GBE1: variants seen among roughly 807,000 people sequenced by gnomAD.
The protein encoded by GBE1 is 1,4-alpha-glucan-branching enzyme.
In GBE1, 70 loss-of-function variants were observed where a neutral mutation model predicts 88.8. That is an observed-to-expected ratio of 0.79 (90% CI 0.65 to 0.96). GBE1 has a LOEUF of 0.96. Among genes scored for constraint, GBE1 ranks in the 40% least tolerant of loss-of-function variants. The probability of loss-of-function intolerance (pLI) is 0.00; values close to 1 mark genes in which losing one functional copy is unlikely to be tolerated. For missense variants in GBE1, 872 were observed against 871.0 expected, an observed-to-expected ratio of 1.00 and a Z score of -0.01; for synonymous variants, 284 against 300.1, an observed-to-expected ratio of 0.95 and a Z score of 0.56.
intron 3 of GBE1, among the ~76,000 whole-genome samples, chr3:81,654,069 G>C (rs1704893600): frequency 6.6e-6 from 1 of 151,934 alleles, no homozygotes; most frequent in Admixed American, 6.6e-5. Flanking sequence ...GAAATATAAT[G>C]AAAATAATAC....
At chr3:81,584,653 T>G (rs1276629792) in intron 10 of GBE1, among the ~76,000 whole-genome samples, 2 of 151,698 alleles carry the variant, frequency 1.3e-5, no homozygotes, top group African/African-American at 4.8e-5. Flanking sequence ...TTTTTCTATT[T>G]GATAACTATG....
chr3:81,497,588 T>C (rs1006507260), intron 15 of GBE1, among the ~76,000 whole-genome samples: 1 of 152,180 alleles, frequency 6.6e-6, no homozygotes, highest in African/African-American at 2.4e-5. Flanking sequence ...TCCTGTGCCA[T>C]GGCGTTTTGT....
At chr3:81,558,709 T>C (rs1331118825) in intron 12 of GBE1, among the ~76,000 whole-genome samples, 4 of 152,134 alleles carry the variant, frequency 2.6e-5, no homozygotes, top group Non-Finnish European at 4.4e-5. Flanking sequence ...TATTAAATGT[T>C]AATGTGTATA....
intron 12 of GBE1, among the ~76,000 whole-genome samples, chr3:81,549,855 G>A (rs973866021): frequency 4.6e-5 from 7 of 151,424 alleles, no homozygotes; most frequent in African/African-American, 1.5e-4. Context: ...ATGGGAAACT[G>A]GAGAGAGAAA....
Position 81,489,941 on chromosome 3 carries a change from C to G in GBE1, c.*466G>C, listed in dbSNP as rs571158601. The G allele has an allele frequency of 6.4e-6, 1 of 156,358 alleles. No homozygotes were observed. Among genetic ancestry groups the G allele is most frequent in the South Asian group, 1.9e-4 (1 of 5,278 alleles). 9.7% of individuals were successfully genotyped at this position (156,358 alleles called of 1,614,324 possible). On this transcript the variant is annotated 3_prime_UTR_variant, in exon 16 of 16. Coordinates refer to ENST00000429644, the MANE Select transcript of GBE1 (RefSeq NM_000158.4). ...ATATTTATTACAGTATTTCTAAACA[C>G]AATTTGAAAAAAAGAAACAAAGAAA...
intron 1 of GBE1, among the ~76,000 whole-genome samples, chr3:81,757,110 T>C (rs1706614151): frequency 6.6e-6 from 1 of 152,164 alleles, no homozygotes; most frequent in African/African-American, 2.4e-5. Context: ...ATCTTCAATA[T>C]TCAAGAAAAA....
At chr3:81,580,481 C>G (rs778885011) in intron 11 of GBE1, among the ~76,000 whole-genome samples, 4 of 151,920 alleles carry the variant, frequency 2.6e-5, no homozygotes, top group African/African-American at 4.8e-5. Flanking sequence ...GGGAAAAGCA[C>G]AAGATTGGAA....
intron 7 of GBE1, among the ~76,000 whole-genome samples, chr3:81,628,872 T>C (rs1478011423): frequency 4.7e-5 from 7 of 148,394 alleles, no homozygotes; most frequent in Admixed American, 2.0e-4. Flanking sequence ...TCTAATTCAC[T>C]TATGCCTGAG....
At chr3:81,755,318 C>G (rs1456934165) in intron 1 of GBE1, among the ~76,000 whole-genome samples, 1 of 151,934 alleles carries the variant, frequency 6.6e-6, no homozygotes, top group East Asian at 1.9e-4. Flanking sequence ...TGGGCAGTAA[C>G]AGATGCTGGT....
chr3:81,691,051 G>A (rs1368581686), intron 2 of GBE1, among the ~76,000 whole-genome samples: 3 of 151,910 alleles, frequency 2.0e-5, no homozygotes, highest in East Asian at 3.9e-4. Flanking sequence ...CTATATGGCC[G>A]ATGATGAAGG....
At chr3:81,599,714 A>G (rs1704007296) in intron 7 of GBE1, among the ~76,000 whole-genome samples, 1 of 152,188 alleles carries the variant, frequency 6.6e-6, no homozygotes, top group Admixed American at 6.5e-5. Context: ...AGACATAGGT[A>G]TATACACACA....
At position 81,609,020 on chromosome 3, in the gene GBE1, C is replaced by T. The variant is rs147144773; in HGVS notation, c.993-14997G>A. 8.2e-3 allele frequency among the ~76,000 whole-genome samples: 1,247 copies of T among 152,218 alleles called. 9 individuals carry two copies. The highest frequency in any genetic ancestry group is 0.014 in the Non-Finnish European group (942 of 67,986). On this transcript the variant is annotated intron_variant, in intron 7 of 15. Coordinates refer to ENST00000429644, the MANE Select transcript of GBE1 (RefSeq NM_000158.4). ...CACAAATATGGAAAAGTAACTAAAACGAATGGAGACACTAAAGGAAGAGTA... is the reference window on the plus strand; with the variant it reads ...CACAAATATGGAAAAGTAACTAAAATGAATGGAGACACTAAAGGAAGAGTA...
chr3:81,675,734 C>T (rs1705242886), intron 2 of GBE1, among the ~76,000 whole-genome samples: 1 of 152,138 alleles, frequency 6.6e-6, no homozygotes, highest in South Asian at 2.1e-4. Context: ...AAGTTAGGTA[C>T]CCCCAAAACA....
At chr3:81,583,933 G>A (rs1476389574) in intron 10 of GBE1, among the ~76,000 whole-genome samples, 1 of 151,952 alleles carries the variant, frequency 6.6e-6, no homozygotes, top group Non-Finnish European at 1.5e-5. Context: ...AGATCTCACT[G>A]TATTATTTCT....
intron 15 of GBE1, among the ~76,000 whole-genome samples, chr3:81,496,211 G>A (rs1172636007): frequency 1.3e-5 from 2 of 152,136 alleles, no homozygotes; most frequent in African/African-American, 4.8e-5. Flanking sequence ...CTGCCCTATC[G>A]CTTTTGGACA....
At chr3:81,687,785 G>A (rs573722465) in intron 2 of GBE1, among the ~76,000 whole-genome samples, 9 of 152,274 alleles carry the variant, frequency 5.9e-5, no homozygotes, top group East Asian at 1.9e-4. Context: ...GAGATGAAAC[G>A]TTGAAAAAGA....
At chr3:81,584,356 T>C (rs1160759843) in intron 10 of GBE1, among the ~76,000 whole-genome samples, 1 of 152,120 alleles carries the variant, frequency 6.6e-6, no homozygotes, top group Non-Finnish European at 1.5e-5. Context: ...AGTACAGTTG[T>C]CATCTGATTT....
At chr3:81,681,477 A>C (rs539598325) in intron 2 of GBE1, among the ~76,000 whole-genome samples, 1 of 152,218 alleles carries the variant, frequency 6.6e-6, no homozygotes, top group Non-Finnish European at 1.5e-5. Flanking sequence ...GACCCAGTCC[A>C]TGGTGTGGGA....
chr3:81,722,915 T>TATATATATATATATATAC (rs1347664692), intron 1 of GBE1, among the ~76,000 whole-genome samples: 2 of 145,466 alleles, frequency 1.4e-5, no homozygotes, highest in African/African-American at 2.5e-5. Context: ...TATATATATA[T>TATATATATATATATATAC]ACACACAAGT....
Sources: allele counts gnomAD v4.1 joint callset (sites outside exome capture counted in the v4.1 genomes callset), GRCh38; gene constraint gnomAD v4.1.1; transcripts MANE v1.5; gene names NCBI Gene and HGNC (gene_info 2026-07-23, HGNC 2026-07-21).